The following TAFA5 variants were observed in gnomAD, a reference collection of about 807,000 sequenced individuals.
TAFA5 encodes TAFA chemokine like family member 5.
TAFA5 carries 6 observed loss-of-function variants against 15.3 expected under a neutral mutation model. The ratio of observed to expected loss-of-function variants is 0.39; its 90% confidence interval spans 0.21 to 0.77. The LOEUF (loss-of-function observed/expected upper bound fraction) is 0.77, where lower values mean the gene tolerates loss of function less well. Ranked by LOEUF, TAFA5 falls within the 30% of genes least tolerant of loss-of-function variation. The pLI is 0.41. For synonymous variants in TAFA5, 103 were observed against 80.7 expected (o/e 1.28, Z -1.48); for missense variants, 161 against 193.1 (o/e 0.83, Z 0.98).
At chr22:48,669,011 T>C (rs1927716516) in intron 2 of TAFA5, among the ~76,000 whole-genome samples, 1 of 152,078 alleles carries the variant, frequency 6.6e-6, no homozygotes, top group Admixed American at 6.5e-5. Context: ...GGGAGGTGAG[T>C]AGCTGGTGAG....
chr22:48,637,982 C>A (rs73429958), intron 1 of TAFA5, among the ~76,000 whole-genome samples: 3,496 of 152,186 alleles, frequency 0.023, 131 homozygotes, highest in African/African-American at 0.08. Context: ...GGAGTCTTGT[C>A]CTTCTAAACT....
At chr22:48,641,358 A>T (rs1054136758) in intron 1 of TAFA5, among the ~76,000 whole-genome samples, 167 of 152,058 alleles carry the variant, frequency 1.1e-3, no homozygotes, top group Non-Finnish European at 1.3e-3. Flanking sequence ...AAATTTGGGG[A>T]TGTGTTCCGG....
chr22:48,715,948 T>C (rs1929389290), intron 3 of TAFA5, among the ~76,000 whole-genome samples: 1 of 152,244 alleles, frequency 6.6e-6, no homozygotes, highest in South Asian at 2.1e-4. Context: ...AGGGGTCCAG[T>C]TTCAGTTTTC....
chr22:48,685,440 T>C (rs1449682711), intron 2 of TAFA5, among the ~76,000 whole-genome samples: 3 of 152,092 alleles, frequency 2.0e-5, no homozygotes, highest in Non-Finnish European at 4.4e-5. Flanking sequence ...GTCAGAGAAA[T>C]GTTCTTTGGG....
intron 2 of TAFA5, among the ~76,000 whole-genome samples, chr22:48,694,422 G>T (rs566806496): frequency 6.6e-6 from 1 of 152,214 alleles, no homozygotes; most frequent in African/African-American, 2.4e-5. Context: ...GGGCTCTGAC[G>T]TTTCGAGTGG....
chr22:48,736,856 G>T (rs371424828), intron 3 of TAFA5, among the ~76,000 whole-genome samples: 1 of 152,230 alleles, frequency 6.6e-6, no homozygotes, highest in African/African-American at 2.4e-5. Context: ...GGTTGCTGAC[G>T]GGTATGGCGT....
chr22:48,635,353 G>A (rs925066439), intron 1 of TAFA5, among the ~76,000 whole-genome samples: 5 of 152,220 alleles, frequency 3.3e-5, no homozygotes, highest in Admixed American at 3.3e-4. Context: ...AGGCCTGGGA[G>A]GAGCTAGGGC....
At position 48,704,003 on chromosome 22, in the gene TAFA5, G is replaced by A. The variant is rs548599888; in HGVS notation, c.263-3714G>A. ...TAGGGCAGAACAGGACAGGCACTGG[G>A]GACCCCAGGGGGTTTCTGAGGCCCC... On this transcript the variant is annotated intron_variant, in intron 2 of 3. Transcript: ENST00000402357. 1.2e-4 allele frequency among the ~76,000 whole-genome samples: 19 copies of A among 152,336 alleles called. No homozygotes were observed. In the East Asian group the frequency reaches 3.7e-3, roughly 29 times the overall value.
intron 2 of TAFA5, among the ~76,000 whole-genome samples, chr22:48,673,910 C>G (rs1927881513): frequency 6.6e-6 from 1 of 152,120 alleles, no homozygotes; most frequent in Admixed American, 6.5e-5. Context: ...TCTGTAGATA[C>G]TAGGGGTGGG....
intron 1 of TAFA5, among the ~76,000 whole-genome samples, chr22:48,524,735 C>T (rs1921721630): frequency 1.3e-5 from 2 of 152,154 alleles, no homozygotes; most frequent in South Asian, 4.1e-4. Context: ...CACCGAGCTT[C>T]CCCAGGGCCA....
intron 3 of TAFA5, among the ~76,000 whole-genome samples, chr22:48,745,267 G>C (rs371153526): frequency 2.7e-5 from 4 of 147,802 alleles, no homozygotes; most frequent in African/African-American, 1.0e-4. Flanking sequence ...TGGCCTGTCC[G>C]GGGTTCACCC....
intron 1 of TAFA5, among the ~76,000 whole-genome samples, chr22:48,642,958 AAGG>A (rs1926737189): frequency 2.0e-5 from 3 of 152,132 alleles, no homozygotes; most frequent in Admixed American, 2.0e-4. Context: ...GTAGTCCCAG[AAGG>A]AGGTTTTGGG....
At chr22:48,518,759 C>T (rs915330119) in intron 1 of TAFA5, among the ~76,000 whole-genome samples, 2 of 152,218 alleles carry the variant, frequency 1.3e-5, no homozygotes, top group African/African-American at 4.8e-5. Context: ...GACTCCAGCC[C>T]AGCTTTCCGG....
chr22:48,530,427 A>G lies in TAFA5; in HGVS notation c.112+40723A>G, dbSNP rs1245579913. On this transcript the variant is annotated intron_variant, in intron 1 of 3. Transcript: ENST00000402357. This position sits in a 1 kb window ranked among gnomAD's most constrained non-coding sequence, Gnocchi z 6.0. ...TGTCGTGGGGCCGGCATTCAACTGA[A>G]AGGATTGGCTTCGAGTCTTGGCTGA... Among the ~76,000 whole-genome samples, 1 of 152,166 alleles carries G rather than the reference A, an allele frequency of 6.6e-6. No individual in the cohort carries two copies. Among genetic ancestry groups the G allele is most frequent in the African/African-American group, 2.4e-5 (1 of 41,446 alleles).
At chr22:48,732,283 T>A (rs911302557) in intron 3 of TAFA5, among the ~76,000 whole-genome samples, 47 of 152,122 alleles carry the variant, frequency 3.1e-4, no homozygotes, top group Admixed American at 3.1e-3. Context: ...GGAGTCTTGC[T>A]CTTGTCACCC....
chr22:48,509,165 C>G (rs973041015), intron 1 of TAFA5, among the ~76,000 whole-genome samples: 1 of 152,220 alleles, frequency 6.6e-6, no homozygotes, highest in Non-Finnish European at 1.5e-5. Flanking sequence ...CGGCTGAATA[C>G]TACTCCAGTG....
intron 1 of TAFA5, among the ~76,000 whole-genome samples, chr22:48,617,425 G>C (rs1925649638): frequency 6.6e-6 from 1 of 152,238 alleles, no homozygotes; most frequent in Non-Finnish European, 1.5e-5. Context: ...CCTCAGAGCA[G>C]CAAGAGGATA....
chr22:48,667,558 T>C (rs926394815), intron 2 of TAFA5, among the ~76,000 whole-genome samples: 6 of 152,216 alleles, frequency 3.9e-5, no homozygotes, highest in African/African-American at 1.4e-4. Context: ...TTGATATTTA[T>C]TTATCTCGCG....
At chr22:48,614,393 C>T (rs188080402) in intron 1 of TAFA5, among the ~76,000 whole-genome samples, 2 of 152,382 alleles carry the variant, frequency 1.3e-5, no homozygotes, top group Admixed American at 6.5e-5. Flanking sequence ...TACCCATTCA[C>T]AGATGCACTG....
Sources: gnomAD v4.1 joint callset for allele counts (sites outside exome capture counted in the v4.1 genomes callset) on GRCh38, gnomAD v4.1.1 for gene constraint, Gnocchi (gnomAD v3.1) non-coding constraint, MANE v1.5 for transcripts, NCBI Gene and HGNC (gene_info 2026-07-23, HGNC 2026-07-21) for gene names.